The following RC3H1 variants were observed in gnomAD, a reference collection of about 807,000 sequenced individuals.
RC3H1 encodes the protein roquin-1.
A neutral mutation model predicts 138.2 loss-of-function variants in RC3H1; 50 were observed. That is an observed-to-expected ratio of 0.36 (90% CI 0.29 to 0.46). The LOEUF is 0.46. RC3H1 is among the 20% of genes least tolerant of loss of function. The probability of loss-of-function intolerance (pLI) is 1.00; values close to 1 mark genes in which losing one functional copy is unlikely to be tolerated. For synonymous variants in RC3H1, 462 were observed against 489.1 expected, an observed-to-expected ratio of 0.94 and a Z score of 0.73; for missense variants, 1,031 against 1,388.1, an observed-to-expected ratio of 0.74 and a Z score of 4.09.
intron 1 of RC3H1, among the ~76,000 whole-genome samples, chr1:174,015,380 T>C (rs1470566171): frequency 1.3e-5 from 2 of 151,912 alleles, no homozygotes; most frequent in Admixed American, 6.6e-5. Flanking sequence ...TTTTTTTTTT[T>C]TGAGACAAGT....
chr1:174,004,398 G>A (rs1206680229), intron 1 of RC3H1, among the ~76,000 whole-genome samples: 1 of 152,092 alleles, frequency 6.6e-6, no homozygotes, highest in African/African-American at 2.4e-5. Context: ...ACAGGCGTGA[G>A]CCACTGTGCC....
chr1:174,019,731 A>G (rs1661923913), intron 1 of RC3H1, among the ~76,000 whole-genome samples: 1 of 152,176 alleles, frequency 6.6e-6, no homozygotes, highest in South Asian at 2.1e-4. Flanking sequence ...AACTTAAGTA[A>G]TAAGTATTGA....
chr1:173,983,265 T>C (rs991404995), intron 4 of RC3H1, among the ~76,000 whole-genome samples, 153 bp downstream of exon 4: 1 of 152,186 alleles, frequency 6.6e-6, no homozygotes, highest in African/African-American at 2.4e-5. Flanking sequence ...TCCACTAAGT[T>C]ACATGGAATT....
intron 1 of RC3H1, among the ~76,000 whole-genome samples, chr1:174,003,565 T>C (rs1210965300): frequency 6.6e-6 from 1 of 152,142 alleles, no homozygotes; most frequent in Non-Finnish European, 1.5e-5. Flanking sequence ...TGGATCACTG[T>C]GACAATTTCT....
At chr1:173,943,763 T>C (rs978695277) in intron 17 of RC3H1, 148 bp from the exon 18 acceptor site, 1 of 606,980 alleles carries the variant, frequency 1.6e-6, no homozygotes, top group African/African-American at 1.9e-5. Context: ...GCTGTTCTCT[T>C]TGAGTACCAT....
At chr1:173,978,853 G>A (rs1301361788) in intron 6 of RC3H1, among the ~76,000 whole-genome samples, 4 of 152,128 alleles carry the variant, frequency 2.6e-5, no homozygotes, top group Non-Finnish European at 2.9e-5. Context: ...TTCTTCAAAT[G>A]TGAGACCTCT....
chr1:173,991,227 G>T (rs1423697302), intron 2 of RC3H1, among the ~76,000 whole-genome samples: 1 of 152,060 alleles, frequency 6.6e-6, no homozygotes, highest in Non-Finnish European at 1.5e-5. Flanking sequence ...AAGAAAAAAA[G>T]AAAGAAAGAA....
At chr1:173,989,468 C>T (rs1449558665) in intron 2 of RC3H1, among the ~76,000 whole-genome samples, 1 of 152,092 alleles carries the variant, frequency 6.6e-6, no homozygotes, top group Non-Finnish European at 1.5e-5. Context: ...GGATTACAGA[C>T]GTGAGCCACT....
chr1:173,977,830 G>A (rs920686917), intron 7 of RC3H1, among the ~76,000 whole-genome samples: 5 of 152,274 alleles, frequency 3.3e-5, no homozygotes, highest in East Asian at 3.9e-4. Context: ...TATCAAAAAA[G>A]TGCTCAACAA....
intron 11 of RC3H1, 137 bp from the exon 12 acceptor site, chr1:173,962,232 A>T: frequency 1.1e-6 from 1 of 890,898 alleles, no homozygotes; most frequent in South Asian, 2.0e-5. Flanking sequence ...CCATCTGCTT[A>T]TATAATCAGG....
At chr1:174,020,651 A>G (rs774463309) in intron 1 of RC3H1, among the ~76,000 whole-genome samples, 44 of 152,206 alleles carry the variant, frequency 2.9e-4, no homozygotes, top group Non-Finnish European at 5.0e-4. Context: ...CTAGGTAGAA[A>G]GTACTTTAGA....
chr1:173,993,405 T>C (rs115932922), intron 1 of RC3H1, among the ~76,000 whole-genome samples: 2,142 of 142,194 alleles, frequency 0.015, 56 homozygotes, highest in African/African-American at 0.062. Context: ...CTTAAGTTTA[T>C]CTAAGTCTTT....
At chr1:174,015,979 T>A (rs935126037) in intron 1 of RC3H1, 2 of 152,056 alleles carry the variant, frequency 1.3e-5, no homozygotes, top group African/African-American at 4.8e-5. Context: ...GGCAGGTAGA[T>A]CACCTGAGAT....
In RC3H1 at chr1:173,936,191, C is replaced by T. The variant is rs1190398630; in HGVS notation, c.*2530G>A. 6.6e-6 allele frequency: 1 copy of T among 152,138 alleles called. No homozygotes were observed. Among genetic ancestry groups the T allele is most frequent in the African/African-American group, 2.4e-5 (1 of 41,444 alleles). 9.4% of individuals were successfully genotyped at this position (152,138 alleles called of 1,614,324 possible). On this transcript the variant is annotated 3_prime_UTR_variant, in exon 20 of 20. Transcript: ENST00000367696. ...GTTTCAACTGATATCCAAAATGAAT[C>T]TTTACTTTTATTTTAAACTTAAACA...
At chr1:173,941,236 T>C in intron 19 of RC3H1, 29 bp downstream of exon 19, 1 of 1,303,742 alleles carries the variant, frequency 7.7e-7, no homozygotes, top group African/African-American at 1.5e-5. Context: ...TGTAATTTAA[T>C]ATGGCTACGA....
chr1:173,982,862 T>C lies in RC3H1; in HGVS notation c.633A>G (p.Leu211=), dbSNP rs1351994884. The C allele has an allele frequency of 1.9e-6, 3 of 1,613,062 alleles. No homozygotes were observed. Among genetic ancestry groups the C allele is most frequent in the East Asian group, 2.2e-5 (1 of 44,794 alleles). Residue 211 remains leucine, a synonymous_variant, in exon 5 of 20, where the codon TTA becomes TTG. Coordinates refer to ENST00000367696, the MANE Select transcript of RC3H1 (RefSeq NM_172071.4). The stretch of plus-strand genomic sequence containing the variant: ...TTCTTGACAAAGCAGAACCATCTTC[T>C]AAGGCCAGCAGAACCAACTTTAAAG... ...EEALKLVLLA[L]EDGSALSRKV... is the part of the protein sequence containing the mutation.
chr1:173,937,880 T>C lies in RC3H1; in HGVS notation c.*841A>G, dbSNP rs946587102. 1 of 152,202 alleles carries C rather than the reference T, an allele frequency of 6.6e-6. No individual in the cohort carries two copies. Among genetic ancestry groups the C allele is most frequent in the Non-Finnish European group, 1.5e-5 (1 of 68,018 alleles). 9.4% of individuals were successfully genotyped at this position (152,202 alleles called of 1,614,324 possible). ...CTGAACGCAGGCGAAACACCAAACA[T>C]GTATTTTCAGTGCTAGTAAGTTACA... is the stretch of plus-strand genomic sequence containing the variant. On this transcript the variant is annotated 3_prime_UTR_variant, in exon 20 of 20. Transcript: ENST00000367696.
At position 173,981,343 on chromosome 1, in the gene RC3H1, T is replaced by G. The variant is rs574910425; in HGVS notation, c.769-334A>C. 2.0e-4 allele frequency among the ~76,000 whole-genome samples: 30 copies of G among 152,318 alleles called. 1 individual carries two copies. Among genetic ancestry groups the G allele is most frequent in the Admixed American group, 1.9e-3 (29 of 15,294 alleles). ...TTTAGAATATCTGCATTAAACCACTTGAGCATCCTTACTCTGAAAATCTGA... is the reference window on the plus strand; with the variant it reads ...TTTAGAATATCTGCATTAAACCACTGGAGCATCCTTACTCTGAAAATCTGA... On this transcript the variant is annotated intron_variant, in intron 5 of 19. Coordinates refer to ENST00000367696, the MANE Select transcript of RC3H1 (RefSeq NM_172071.4).
At chr1:173,983,733 T>C in intron 3 of RC3H1, 76 bp from the exon 4 acceptor site, 1 of 1,505,822 alleles carries the variant, frequency 6.6e-7, no homozygotes, top group Admixed American at 1.8e-5. Flanking sequence ...TCTGTTGGGT[T>C]AACTTGTGGG....
Sources: allele counts gnomAD v4.1 joint callset (sites outside exome capture counted in the v4.1 genomes callset), GRCh38; gene constraint gnomAD v4.1.1; transcripts MANE v1.5; gene names NCBI Gene and HGNC (gene_info 2026-07-23, HGNC 2026-07-21).